CELF2: variants seen among roughly 807,000 people sequenced by gnomAD.
CELF2 encodes the protein CUGBP Elav-like family member 2, also known as CUG triplet repeat RNA-binding protein 2.
Under a neutral mutation model 62.6 loss-of-function variants are expected in CELF2, and 8 were observed. The ratio of observed to expected loss-of-function variants is 0.13; its 90% CI spans 0.07 to 0.23. The LOEUF is 0.23. Ranked by LOEUF, CELF2 falls within the 10% of genes least tolerant of loss-of-function variation. CELF2 has a pLI of 1.00. For synonymous variants in CELF2, 258 were observed against 250.0 expected (o/e 1.03, Z -0.30); for missense variants, 333 against 671.0 (o/e 0.50, Z 5.56).
chr10:10,563,496 G>C, the CELF2 span, among the ~76,000 whole-genome samples: 1 of 151,306 alleles, frequency 6.6e-6, no homozygotes, highest in Admixed American at 6.6e-5. Context: ...TGTAATCCCA[G>C]ACTTGGAAGG....
At chr10:10,650,926 A>G in the CELF2 span, among the ~76,000 whole-genome samples, 2 of 152,214 alleles carry the variant, frequency 1.3e-5, no homozygotes, top group Admixed American at 1.3e-4. Flanking sequence ...GCGACGCAGA[A>G]GACCGGTGAT....
At chr10:11,103,059 G>A (rs1037433067) in intron 1 of CELF2, among the ~76,000 whole-genome samples, 3 of 152,106 alleles carry the variant, frequency 2.0e-5, no homozygotes, top group Non-Finnish European at 4.4e-5. Flanking sequence ...TTTGCCTAAT[G>A]GTTAATGCAT....
chr10:10,975,990 T>C (rs1263705914), intron 2 of CELF2, among the ~76,000 whole-genome samples: 5 of 152,216 alleles, frequency 3.3e-5, no homozygotes, highest in Admixed American at 3.3e-4. Flanking sequence ...TAGAACTTTC[T>C]GGGAAAGGGG....
At chr10:10,772,557 C>T in the CELF2 span, among the ~76,000 whole-genome samples, 1 of 152,184 alleles carries the variant, frequency 6.6e-6, no homozygotes, top group African/African-American at 2.4e-5. Flanking sequence ...AAATTAGGGT[C>T]CGAGTCAATG....
At chr10:10,466,002 A>G in the CELF2 span, among the ~76,000 whole-genome samples, 1 of 152,148 alleles carries the variant, frequency 6.6e-6, no homozygotes, top group Non-Finnish European at 1.5e-5. Flanking sequence ...CTGTTCTAGC[A>G]TCTGTTCAAA....
chr10:11,039,656 T>A lies in CELF2; in HGVS notation c.74+21493T>A, dbSNP rs141483896. Among the ~76,000 whole-genome samples the A allele has an allele frequency of 5.3e-5, 8 of 152,358 alleles. No individual in the cohort carries two copies. The highest frequency in any genetic ancestry group is 1.5e-5 in the Non-Finnish European group (1 of 68,046). On this transcript the variant is annotated intron_variant, in intron 1 of 12. Transcript: ENST00000633077. This position sits in a 1 kb window ranked among gnomAD's most constrained non-coding sequence, Gnocchi z 4.1. ...TAAGGTTCCATTTAAAGCCACTCAA[T>A]GGAAGATAGGTTAAGTGTACTTCAT...
the CELF2 span, among the ~76,000 whole-genome samples, chr10:10,707,561 A>G: frequency 6.6e-6 from 1 of 152,186 alleles, no homozygotes; most frequent in Non-Finnish European, 1.5e-5. Flanking sequence ...GTTCACATGA[A>G]GGAAACCATC....
At chr10:11,293,263 T>A (rs561672449) in intron 9 of CELF2, among the ~76,000 whole-genome samples, 1 of 152,352 alleles carries the variant, frequency 6.6e-6, no homozygotes, top group African/African-American at 2.4e-5. Context: ...GAGAATAGTG[T>A]GGGTGGGTAT....
intron 9 of CELF2, among the ~76,000 whole-genome samples, chr10:11,301,656 G>A (rs114744137): frequency 0.15 from 22,789 of 148,650 alleles, 3,019 homozygotes; most frequent in African/African-American, 0.37. Context: ...CGTGGCCCTC[G>A]GCAGCCCTGC....
intron 1 of CELF2, among the ~76,000 whole-genome samples, chr10:10,913,515 C>CA (rs2064006354): frequency 7.0e-6 from 1 of 142,500 alleles, no homozygotes; most frequent in African/African-American, 2.9e-5. Flanking sequence ...CTCAGCCTCC[C>CA]AAGTGGCTGG....
chr10:10,799,643 C>T (rs1348493680), intron 1 of CELF2, among the ~76,000 whole-genome samples: 1 of 113,822 alleles, frequency 8.8e-6, no homozygotes, highest in Non-Finnish European at 1.6e-5. Flanking sequence ...ACTGAATGGG[C>T]AGAATGTATG....
rs368339452 is a variant in CELF2 at position 11,253,207 on chromosome 10, A to G, written c.403+4006A>G. Among the ~76,000 whole-genome samples, 7 of 152,286 alleles carry G rather than the reference A, an allele frequency of 4.6e-5. No individual in the cohort carries two copies. In the East Asian group the frequency reaches 1.2e-3, roughly 25 times the overall value. The stretch of plus-strand genomic sequence containing the variant: ...TGCTTGTTGTTTTTACTCTATATAC[A>G]GAGCGTAAATCCATCCATCCTGCTT... On this transcript the variant is annotated intron_variant, in intron 4 of 12. Transcript: ENST00000633077.
At chr10:10,752,802 TAAA>T in the CELF2 span, among the ~76,000 whole-genome samples, 7 of 116,550 alleles carry the variant, frequency 6.0e-5, no homozygotes, top group Non-Finnish European at 6.8e-5. Flanking sequence ...ATACCGGTAG[TAAA>T]AAAAAAAAAA....
At chr10:10,805,787 A>G (rs2055163870) in intron 1 of CELF2, among the ~76,000 whole-genome samples, 2 of 152,296 alleles carry the variant, frequency 1.3e-5, no homozygotes, top group East Asian at 3.9e-4. Flanking sequence ...CCAGGAAAAA[A>G]GAGACAGTGT....
intron 8 of CELF2, 65 bp downstream of exon 8, chr10:11,275,185 G>A: frequency 1.3e-6 from 2 of 1,483,662 alleles, no homozygotes; most frequent in South Asian, 1.1e-5. Context: ...TTGGTTCCGA[G>A]GGCAAAGACA....
At position 11,008,743 on chromosome 10, in the gene CELF2, A is replaced by G. The variant is rs2137281135; in HGVS notation, c.53+3303A>G. On this transcript the variant is annotated intron_variant, in intron 1 of 12. Transcript: ENST00000416382. The surrounding 1 kb of genome is among the most constrained non-coding windows in gnomAD (Gnocchi z 4.5). Reference sequence around the variant, plus strand: ...TTTAAGGTGTCAGAATTCATAGACGAAAAGCATACCTTGGTTTTGTCATCA... The same window carrying G: ...TTTAAGGTGTCAGAATTCATAGACGGAAAGCATACCTTGGTTTTGTCATCA... Among the ~76,000 whole-genome samples, 1 of 152,336 alleles carries G rather than the reference A, an allele frequency of 6.6e-6. No homozygotes were observed. The highest frequency in any genetic ancestry group is 1.5e-5 in the Non-Finnish European group (1 of 68,024).
intron 1 of CELF2, among the ~76,000 whole-genome samples, chr10:10,813,483 G>A (rs1367248848): frequency 6.6e-6 from 1 of 152,216 alleles, no homozygotes; most frequent in African/African-American, 2.4e-5. Flanking sequence ...GAAAGATTTT[G>A]TGAACTGGGA....
At chr10:10,467,361 T>G in the CELF2 span, among the ~76,000 whole-genome samples, 1 of 152,054 alleles carries the variant, frequency 6.6e-6, no homozygotes, top group African/African-American at 2.4e-5. Flanking sequence ...CCCCACTTAA[T>G]TACCTTAGTT....
chr10:11,323,171 C>A (rs1317102953), intron 11 of CELF2, among the ~76,000 whole-genome samples: 7 of 152,068 alleles, frequency 4.6e-5, no homozygotes, highest in African/African-American at 1.7e-4. Context: ...TGCAGTAATT[C>A]CCCTTCTGAG....
Sources: allele counts gnomAD v4.1 joint callset (sites outside exome capture counted in the v4.1 genomes callset), GRCh38; gene constraint gnomAD v4.1.1; non-coding constraint Gnocchi (gnomAD v3.1); transcripts MANE v1.5; gene names NCBI Gene and HGNC (gene_info 2026-07-23, HGNC 2026-07-21).